The following SPOCK1 variants were observed in gnomAD, a reference collection of about 807,000 sequenced individuals.
SPOCK1 encodes the protein SPARC (osteonectin), cwcv and kazal like domains proteoglycan 1.
A neutral mutation model predicts 55.3 loss-of-function variants in SPOCK1; 23 were observed. That is an observed-to-expected ratio of 0.42 (90% CI 0.30 to 0.59). The LOEUF is 0.59. Among genes scored for constraint, SPOCK1 ranks in the 20% least tolerant of loss-of-function variants. SPOCK1 has a pLI of 0.22. For missense variants in SPOCK1, 499 were observed against 552.5 expected, an observed-to-expected ratio of 0.90 and a Z score of 0.97; for synonymous variants, 226 against 221.0, an observed-to-expected ratio of 1.02 and a Z score of -0.20.
At chr5:137,484,792 C>T (rs1161212582) in intron 2 of SPOCK1, among the ~76,000 whole-genome samples, 1 of 152,146 alleles carries the variant, frequency 6.6e-6, no homozygotes, top group Admixed American at 6.6e-5. Context: ...CAACCAATTG[C>T]CTACCATCAG....
intron 2 of SPOCK1, among the ~76,000 whole-genome samples, chr5:137,476,455 A>G (rs576245510): frequency 1.4e-4 from 22 of 152,352 alleles, no homozygotes; most frequent in Middle Eastern, 6.8e-3. Context: ...AGAAAAGTGA[A>G]TATCTAGAAG....
intron 2 of SPOCK1, among the ~76,000 whole-genome samples, chr5:137,332,939 G>A (rs1758213752): frequency 6.6e-6 from 1 of 152,158 alleles, no homozygotes; most frequent in East Asian, 1.9e-4. Context: ...GTTACCCAGG[G>A]AAAATGGACT....
rs73292215 is a variant in SPOCK1, at chr5:137,014,841, A to T, written c.590-22241T>A. ...TTGTGTAATGATGTGAAAACCGCCA[A>T]GGACTCCAGCAGAAACCACCCATTT... On this transcript the variant is annotated intron_variant, in intron 6 of 10. Transcript: ENST00000394945. 8.3e-3 allele frequency among the ~76,000 whole-genome samples: 1,257 copies of T among 152,296 alleles called. 14 individuals are homozygous for T. Among genetic ancestry groups the T allele is most frequent in the African/African-American group, 0.028 (1,156 of 41,558 alleles).
At chr5:137,078,176 C>T (rs1752808727) in intron 5 of SPOCK1, among the ~76,000 whole-genome samples, 1 of 152,176 alleles carries the variant, frequency 6.6e-6, no homozygotes, top group African/African-American at 2.4e-5. Flanking sequence ...GAGCAGAGAC[C>T]TCGTTCACAT....
intron 2 of SPOCK1, among the ~76,000 whole-genome samples, chr5:137,488,082 A>G (rs1754097366): frequency 6.6e-6 from 1 of 152,180 alleles, no homozygotes; most frequent in Admixed American, 6.5e-5. Context: ...CTACATCAGA[A>G]TCACCTGGAT....
rs878904938 is a variant in SPOCK1 at position 136,979,252 on chromosome 5, C to A, written c.1129+80G>T. On this transcript the variant is annotated intron_variant, in intron 10 of 10. Transcript: ENST00000394945. ...TATACTGGAGTTACCTCTCAACATT[C>A]TTCTGCAGAGATCCTTATGCAGTGA... 5 of 1,578,066 alleles carry A rather than the reference C, an allele frequency of 3.2e-6. No individual in the cohort carries two copies. The South Asian group carries it at 5.8e-5, about 18-fold the overall frequency.
intron 3 of SPOCK1, among the ~76,000 whole-genome samples, chr5:137,197,959 G>C (rs1321772848): frequency 6.6e-6 from 1 of 152,098 alleles, no homozygotes; most frequent in Non-Finnish European, 1.5e-5. Flanking sequence ...ACTTCTTAAA[G>C]TCAGAATTGT....
intron 5 of SPOCK1, among the ~76,000 whole-genome samples, chr5:137,103,282 G>A (rs1181685853): frequency 6.6e-6 from 1 of 152,160 alleles, no homozygotes; most frequent in African/African-American, 2.4e-5. Context: ...CACCACGCCG[G>A]CTTTGTTCTT....
At chr5:136,982,067 T>C in intron 9 of SPOCK1, among the ~76,000 whole-genome samples, 1 of 152,220 alleles carries the variant, frequency 6.6e-6, no homozygotes, top group Non-Finnish European at 1.5e-5. Context: ...TACAGGTTTA[T>C]ACCTAGGAGC....
intron 3 of SPOCK1, among the ~76,000 whole-genome samples, chr5:137,187,024 G>A (rs113463733): frequency 0.011 from 1,617 of 152,176 alleles, 36 homozygotes; most frequent in African/African-American, 0.037. Flanking sequence ...TCCAGTCCAC[G>A]TCCCACCTCT....
At chr5:137,078,706 T>C (rs1047313945) in intron 5 of SPOCK1, among the ~76,000 whole-genome samples, 1 of 152,152 alleles carries the variant, frequency 6.6e-6, no homozygotes, top group Non-Finnish European at 1.5e-5. Context: ...GATCTCTAGA[T>C]CTCTAGTGCC....
intron 2 of SPOCK1, among the ~76,000 whole-genome samples, chr5:137,400,474 T>C (rs1393184085): frequency 2.0e-5 from 3 of 152,178 alleles, no homozygotes; most frequent in Admixed American, 6.5e-5. Context: ...CATGTACACC[T>C]GAGAGAGGTC....
intron 2 of SPOCK1, among the ~76,000 whole-genome samples, chr5:137,375,727 A>AT (rs1580892579): frequency 6.6e-6 from 1 of 152,180 alleles, no homozygotes; most frequent in Non-Finnish European, 1.5e-5. Flanking sequence ...AAAAATAAGA[A>AT]TTTTTTTAAC....
chr5:137,457,604 T>C (rs190050027), intron 2 of SPOCK1, among the ~76,000 whole-genome samples: 229 of 152,232 alleles, frequency 1.5e-3, no homozygotes, highest in African/African-American at 4.7e-3. Flanking sequence ...CCTCTTTCAA[T>C]GAGATAAGCT....
chr5:137,160,496 G>A, intron 3 of SPOCK1, among the ~76,000 whole-genome samples: 1 of 80,330 alleles, frequency 1.2e-5, no homozygotes, highest in Non-Finnish European at 2.3e-5. Flanking sequence ...CAACACCTGG[G>A]CTATATATAT....
chr5:137,097,213 G>T (rs1250149515), intron 5 of SPOCK1, among the ~76,000 whole-genome samples: 1 of 152,074 alleles, frequency 6.6e-6, no homozygotes, highest in East Asian at 1.9e-4. Context: ...TCTGGTCTCT[G>T]GCCTTGTGAA....
intron 2 of SPOCK1, among the ~76,000 whole-genome samples, chr5:137,326,427 G>A (rs747207616): frequency 1.5e-4 from 23 of 152,164 alleles, no homozygotes; most frequent in Non-Finnish European, 2.6e-4. Flanking sequence ...CCTAGTCCAG[G>A]GGCACAGAAG....
At chr5:137,419,297 T>G (rs1752429526) in intron 2 of SPOCK1, among the ~76,000 whole-genome samples, 1 of 152,158 alleles carries the variant, frequency 6.6e-6, no homozygotes, top group African/African-American at 2.4e-5. Flanking sequence ...CTTTTTTGGT[T>G]CCATATGAAC....
intron 2 of SPOCK1, among the ~76,000 whole-genome samples, chr5:137,299,943 C>T (rs960207754): frequency 6.6e-6 from 1 of 152,166 alleles, no homozygotes; most frequent in Admixed American, 6.5e-5. Context: ...TTAATGTTCT[C>T]GCCAGTTTTA....
Sources: gnomAD v4.1 joint callset for allele counts (sites outside exome capture counted in the v4.1 genomes callset) on GRCh38, gnomAD v4.1.1 for gene constraint, MANE v1.5 for transcripts, NCBI Gene and HGNC (gene_info 2026-07-23, HGNC 2026-07-21) for gene names.